Variants in MYO16 observed in about 807,000 individuals in gnomAD.
MYO16 encodes the protein unconventional myosin-XVI.
A neutral mutation model predicts 205.3 loss-of-function variants in MYO16; 94 were observed. The observed-to-expected ratio is 0.46, with a 90% CI of 0.39 to 0.54. The LOEUF (loss-of-function observed/expected upper bound fraction) is 0.54, where lower values mean the gene tolerates loss of function less well. Among genes scored for constraint, MYO16 ranks in the 20% least tolerant of loss-of-function variants. The probability of loss-of-function intolerance (pLI) is 0.00; values close to 1 mark genes in which losing one functional copy is unlikely to be tolerated. For synonymous variants in MYO16, 988 were observed against 954.0 expected (o/e 1.04, Z -0.66); for missense variants, 2,315 against 2,387.5 (o/e 0.97, Z 0.63).
the MYO16 span, among the ~76,000 whole-genome samples, chr13:108,524,779 A>G: frequency 6.6e-6 from 1 of 152,160 alleles, no homozygotes; most frequent in African/African-American, 2.4e-5. Context: ...GGGTAATGAC[A>G]TATATGAGAT....
chr13:109,007,170 C>G (rs1384362638), intron 21 of MYO16, among the ~76,000 whole-genome samples: 1 of 152,024 alleles, frequency 6.6e-6, no homozygotes, highest in Non-Finnish European at 1.5e-5. Context: ...GGGTGGATCA[C>G]GAGGTCAGGA....
chr13:108,521,163 G>C, the MYO16 span, among the ~76,000 whole-genome samples: 2 of 152,184 alleles, frequency 1.3e-5, no homozygotes, highest in Non-Finnish European at 2.9e-5. Flanking sequence ...GTCAAACTGG[G>C]GAGGCTGGAA....
At chr13:108,898,473 A>G (rs1483381931) in intron 15 of MYO16, among the ~76,000 whole-genome samples, 1 of 152,018 alleles carries the variant, frequency 6.6e-6, no homozygotes, top group Non-Finnish European at 1.5e-5. Flanking sequence ...AACCTTTTCA[A>G]AATGATTATT....
intron 16 of MYO16, among the ~76,000 whole-genome samples, chr13:108,920,735 A>G (rs1342205709): frequency 6.6e-6 from 1 of 152,236 alleles, no homozygotes; most frequent in African/African-American, 2.4e-5. Context: ...CTGAGATTAC[A>G]GGCGTGAGCC....
rs1337375444 is a variant in MYO16 at position 108,721,897 on chromosome 13, T to G, written c.364-5543T>G. Among the ~76,000 whole-genome samples the G allele has an allele frequency of 2.0e-5, 3 of 152,250 alleles. No individual in the cohort carries two copies. In the South Asian group the frequency reaches 6.2e-4, roughly 32 times the overall value. ...CATGGAGGGGAGTAATCTGTGGCCA[T>G]GAAGGAATCTAGGAGCTTAGTTGAT... On this transcript the variant is annotated intron_variant, in intron 3 of 34. Coordinates refer to ENST00000457511, the MANE Select transcript of MYO16 (RefSeq NM_001198950.3).
intron 1 of MYO16, among the ~76,000 whole-genome samples, chr13:108,635,851 G>A (rs1196773700): frequency 1.3e-5 from 2 of 152,094 alleles, no homozygotes; most frequent in East Asian, 3.9e-4. Flanking sequence ...GATGGCATCT[G>A]ATTTTTTACT....
intron 1 of MYO16, among the ~76,000 whole-genome samples, chr13:108,660,600 T>A (rs1278806216): frequency 6.6e-6 from 1 of 152,230 alleles, no homozygotes; most frequent in Non-Finnish European, 1.5e-5. Context: ...CCACCCCTGC[T>A]TCCTTTTGGT....
the MYO16 span, among the ~76,000 whole-genome samples, chr13:108,569,525 T>C: frequency 6.6e-6 from 1 of 152,188 alleles, no homozygotes. Context: ...GCTTAATTAT[T>C]AGTTCTGATA....
At chr13:109,088,143 C>A (rs1351168583) in intron 27 of MYO16, among the ~76,000 whole-genome samples, 5 of 152,208 alleles carry the variant, frequency 3.3e-5, no homozygotes, top group Admixed American at 3.3e-4. Context: ...AGTCTGGGTT[C>A]TCCAAGAGGG....
At chr13:108,748,385 T>TA (rs1448174298) in intron 4 of MYO16, among the ~76,000 whole-genome samples, 1 of 152,030 alleles carries the variant, frequency 6.6e-6, no homozygotes, top group African/African-American at 2.4e-5. Context: ...TAGCATTAAA[T>TA]ACGTGTATTA....
chr13:108,587,832 T>C, the MYO16 span, among the ~76,000 whole-genome samples: 3 of 151,854 alleles, frequency 2.0e-5, no homozygotes, highest in Non-Finnish European at 4.4e-5. Context: ...AAGAGCAACC[T>C]AAAGTTATAA....
At chr13:108,607,855 C>T (rs1879018485) in intron 1 of MYO16, among the ~76,000 whole-genome samples, 1 of 152,148 alleles carries the variant, frequency 6.6e-6, no homozygotes, top group African/African-American at 2.4e-5. Context: ...ACAGTCCTTC[C>T]AGCTGCCATG....
chr13:108,961,456 TTACTTTTAGATATTTAAA>T (rs1883577602), intron 17 of MYO16, 65 bp from the exon 18 acceptor site: 8 of 1,108,620 alleles, frequency 7.2e-6, no homozygotes, highest in African/African-American at 1.6e-5. Context: ...TTTTTGTAAC[TTACTTTTAGATATTTAAA>T]AATTTTGCCT....
At chr13:109,189,473 T>A (rs1035683727) in intron 34 of MYO16, among the ~76,000 whole-genome samples, 1 of 152,254 alleles carries the variant, frequency 6.6e-6, no homozygotes, top group Non-Finnish European at 1.5e-5. Context: ...TTTGGATATT[T>A]TTAAAATTCC....
At chr13:108,847,564 A>C (rs1393425396) in intron 10 of MYO16, among the ~76,000 whole-genome samples, 1 of 152,182 alleles carries the variant, frequency 6.6e-6, no homozygotes, top group African/African-American at 2.4e-5. Flanking sequence ...CATGTGGAAA[A>C]TTTTAAAAAA....
chr13:109,175,983 A>G (rs1319086306), intron 33 of MYO16, among the ~76,000 whole-genome samples: 1 of 152,098 alleles, frequency 6.6e-6, no homozygotes, highest in Non-Finnish European at 1.5e-5. Context: ...TCAGTTAAGG[A>G]CACATGTACA....
At position 109,141,260 on chromosome 13, in the gene MYO16, G is replaced by T; in HGVS notation, c.5048G>T (p.Ser1683Ile). ...GSSASPPAPY[S>I]PPSSRPLSSP... ...AGTGCCTCGCCCCCCGCGCCCTACAGCCCTCCCAGCTCCAGGCCTCTCAGC... is the reference window on the plus strand; with the variant it reads ...AGTGCCTCGCCCCCCGCGCCCTACATCCCTCCCAGCTCCAGGCCTCTCAGC... The change falls in exon 32 of 35, where the codon AGC (serine) becomes ATC (isoleucine). Residue 1683 changes from serine (S) to isoleucine (I), a missense_variant. Transcript: ENST00000457511. This position sits in a 1 kb window ranked among gnomAD's most constrained non-coding sequence, Gnocchi z 4.1. 1 of 1,604,804 alleles carries T rather than the reference G, an allele frequency of 6.2e-7. No individual in the cohort carries two copies. The highest frequency in any genetic ancestry group is 1.1e-5 in the South Asian group (1 of 90,376).
intron 12 of MYO16, among the ~76,000 whole-genome samples, chr13:108,871,004 A>G (rs1310232053): frequency 6.6e-6 from 1 of 152,082 alleles, no homozygotes; most frequent in African/African-American, 2.4e-5. Context: ...ATATGTAGAA[A>G]GTCTGTAGAA....
intron 1 of MYO16, among the ~76,000 whole-genome samples, chr13:108,649,225 A>T (rs892928367): frequency 1.9e-5 from 2 of 104,428 alleles, no homozygotes; most frequent in Non-Finnish European, 3.5e-5. Flanking sequence ...AAAGTATAAT[A>T]AAAAAAATTC....
Sources: allele counts gnomAD v4.1 joint callset (sites outside exome capture counted in the v4.1 genomes callset), GRCh38; gene constraint gnomAD v4.1.1; non-coding constraint Gnocchi (gnomAD v3.1); transcripts MANE v1.5; gene names NCBI Gene and HGNC (gene_info 2026-07-23, HGNC 2026-07-21).